The following MAST2 variants were observed in gnomAD, a reference collection of about 807,000 sequenced individuals.
The protein encoded by MAST2 is microtubule-associated serine/threonine-protein kinase 2.
In MAST2, 70 loss-of-function variants were observed where a neutral mutation model predicts 147.4. The ratio of observed to expected loss-of-function variants is 0.47; its 90% confidence interval spans 0.39 to 0.58. The LOEUF (loss-of-function observed/expected upper bound fraction) is 0.58, where lower values mean the gene tolerates loss of function less well. Ranked by LOEUF, MAST2 falls within the 20% of genes least tolerant of loss-of-function variation. The pLI, the probability that MAST2 is intolerant of heterozygous loss-of-function variation, is 0.00. For missense variants in MAST2, 2,080 were observed against 2,302.3 expected, an observed-to-expected ratio of 0.90 and a Z score of 1.98; for synonymous variants, 869 against 896.8, an observed-to-expected ratio of 0.97 and a Z score of 0.55.
At chr1:45,866,163 T>C (rs1646142467) in intron 3 of MAST2, among the ~76,000 whole-genome samples, 1 of 152,224 alleles carries the variant, frequency 6.6e-6, no homozygotes, top group African/African-American at 2.4e-5. Flanking sequence ...TTTCTAGTTA[T>C]TATATGTACT....
intron 15 of MAST2, chr1:46,024,206 C>T: frequency 1.9e-6 from 1 of 533,110 alleles, no homozygotes; most frequent in South Asian, 2.0e-5. Context: ...ATGTAGCAGG[C>T]CAGCAGCTAT....
Position 46,034,096 on chromosome 1 carries a change from G to GC in MAST2, c.3699dup (p.Lys1234GlnfsTer19), listed in dbSNP as rs774146606. 1.2e-6 allele frequency: 2 copies of GC among 1,613,618 alleles called. No individual in the cohort carries two copies. Among genetic ancestry groups the GC allele is most frequent in the South Asian group, 2.2e-5 (2 of 91,012 alleles). On this transcript the variant is annotated frameshift_variant, in exon 28 of 29. Coordinates refer to ENST00000361297, the MANE Select transcript of MAST2 (RefSeq NM_015112.3). LOFTEE classifies it high-confidence loss of function. ...AGCAGAAAAAGGAGCTCCCTGTTCC[G>GC]CAAGATCACCAAGCAAGCATCCCTG...
intron 5 of MAST2, among the ~76,000 whole-genome samples, chr1:45,980,851 C>A (rs1644378449): frequency 6.6e-6 from 1 of 151,946 alleles, no homozygotes; most frequent in African/African-American, 2.4e-5. Flanking sequence ...GTTGTTATAA[C>A]ATCTTAATCT....
chr1:46,002,796 T>G lies in MAST2; in HGVS notation c.669-9T>G. ...GCAGAAACTGCCTAATACTTTTTCT[T>G]GCATACAGGACTGATGGGCGGCGCT... is the stretch of plus-strand genomic sequence containing the variant. On this transcript the variant is annotated splice_polypyrimidine_tract_variant and intron_variant, in intron 6 of 28. Coordinates refer to ENST00000361297, the MANE Select transcript of MAST2 (RefSeq NM_015112.3). 6.2e-7 allele frequency: 1 copy of G among 1,614,022 alleles called. No individual in the cohort carries two copies. Among genetic ancestry groups the G allele is most frequent in the East Asian group, 2.2e-5 (1 of 44,882 alleles).
At chr1:45,942,427 C>T (rs1657434131) in intron 4 of MAST2, among the ~76,000 whole-genome samples, 1 of 152,180 alleles carries the variant, frequency 6.6e-6, no homozygotes, top group Non-Finnish European at 1.5e-5. Flanking sequence ...TTACACTTGG[C>T]AACATGTATT....
intron 4 of MAST2, among the ~76,000 whole-genome samples, chr1:45,889,810 C>T (rs999462329): frequency 2.0e-5 from 3 of 151,716 alleles, no homozygotes; most frequent in Non-Finnish European, 4.4e-5. Context: ...AGGGTTTCAC[C>T]ACATTGGTCA....
intron 5 of MAST2, among the ~76,000 whole-genome samples, chr1:45,987,268 C>CT (rs1644663916): frequency 6.6e-6 from 1 of 151,692 alleles, no homozygotes; most frequent in Admixed American, 6.6e-5. Context: ...CCTGATTAGT[C>CT]TATCATTTTA....
intron 5 of MAST2, among the ~76,000 whole-genome samples, chr1:45,996,311 A>G (rs1645055446): frequency 6.6e-6 from 1 of 152,016 alleles, no homozygotes; most frequent in Non-Finnish European, 1.5e-5. Flanking sequence ...CAAGAATCAA[A>G]CTGTGGGTAT....
chr1:45,940,577 A>G (rs1176173451), intron 4 of MAST2, among the ~76,000 whole-genome samples: 9 of 152,036 alleles, frequency 5.9e-5, no homozygotes, highest in African/African-American at 2.2e-4. Flanking sequence ...CAAACAGAGT[A>G]GAGTAGTCTT....
intron 5 of MAST2, among the ~76,000 whole-genome samples, chr1:45,988,475 T>C (rs912541199): frequency 6.6e-6 from 1 of 152,248 alleles, no homozygotes; most frequent in Non-Finnish European, 1.5e-5. Context: ...TGAATCCTTT[T>C]AAAATTTATT....
chr1:45,814,051 C>A (rs1312976765), intron 1 of MAST2, among the ~76,000 whole-genome samples: 1 of 152,170 alleles, frequency 6.6e-6, no homozygotes, highest in Non-Finnish European at 1.5e-5. Flanking sequence ...ATGGTAATGC[C>A]TGTGTAAAAC....
intron 4 of MAST2, among the ~76,000 whole-genome samples, chr1:45,891,541 T>C (rs984000558): frequency 2.0e-5 from 3 of 151,896 alleles, no homozygotes; most frequent in African/African-American, 7.3e-5. Context: ...ACTTACAGAG[T>C]TGTAAAGTAG....
intron 3 of MAST2, among the ~76,000 whole-genome samples, chr1:45,844,845 A>T (rs1645382568): frequency 6.6e-6 from 1 of 152,180 alleles, no homozygotes; most frequent in African/African-American, 2.4e-5. Context: ...GTAATTTATA[A>T]GGAATCAAGG....
chr1:45,968,875 T>TG (rs1278078946), intron 5 of MAST2, among the ~76,000 whole-genome samples: 1 of 123,096 alleles, frequency 8.1e-6, no homozygotes, highest in East Asian at 2.9e-4. Flanking sequence ...GTTCTGGTGT[T>TG]GGTTTTTTTT....
chr1:45,941,215 A>T (rs1657212447), intron 4 of MAST2, among the ~76,000 whole-genome samples: 1 of 152,162 alleles, frequency 6.6e-6, no homozygotes, highest in Non-Finnish European at 1.5e-5. Flanking sequence ...TGACATGACC[A>T]AACTTATTTA....
rs1439288565 is a variant in MAST2 at position 46,027,874 on chromosome 1, G to T, written c.2052+11G>T. ...TTCCTGGACAAGCAGGTAAGGAAGGGTAGTTGATACACTGGGGGTTAAATT... is the reference window on the plus strand; with the variant it reads ...TTCCTGGACAAGCAGGTAAGGAAGGTTAGTTGATACACTGGGGGTTAAATT... On this transcript the variant is annotated intron_variant, in intron 17 of 28. Coordinates refer to ENST00000361297, the MANE Select transcript of MAST2 (RefSeq NM_015112.3). The T allele has an allele frequency of 1.2e-6, 2 of 1,613,860 alleles. No individual in the cohort carries two copies. The highest frequency in any genetic ancestry group is 2.7e-5 in the African/African-American group (2 of 75,042).
At position 46,030,668 on chromosome 1, in the gene MAST2, A is replaced by T. The variant is rs970831881; in HGVS notation, c.2615A>T (p.Lys872Met). 6.2e-7 allele frequency: 1 copy of T among 1,611,754 alleles called. No homozygotes were observed. Among genetic ancestry groups the T allele is most frequent in the Non-Finnish European group, 8.5e-7 (1 of 1,179,350 alleles). The change falls in exon 22 of 29, where the codon AAG becomes ATG. Residue 872 changes from lysine (K) to methionine (M), a missense_variant. This residue lies in a region of MAST2 where 1,278 missense variants were observed against 1,304.2 expected (regional missense o/e 0.98). Transcript: ENST00000361297. Reference sequence around the variant, plus strand: ...GAGCGCCGGACACCACCCCCGACCAAGCGCAGCCTGAGTGAGGAGAAGGAG... The same window carrying T: ...GAGCGCCGGACACCACCCCCGACCATGCGCAGCCTGAGTGAGGAGAAGGAG... Reference protein sequence around the residue: ...LEERRTPPPTKRSLSEEKEDH... With the variant: ...LEERRTPPPTMRSLSEEKEDH...
chr1:46,026,346 A>G (rs1158138695), intron 16 of MAST2, among the ~76,000 whole-genome samples: 1 of 152,232 alleles, frequency 6.6e-6, no homozygotes, highest in African/African-American at 2.4e-5. Context: ...TTCAGGAACT[A>G]CAAATAGTGC....
At chr1:45,997,415 T>C (rs1557447815) in intron 5 of MAST2, among the ~76,000 whole-genome samples, 1 of 152,210 alleles carries the variant, frequency 6.6e-6, no homozygotes, top group Admixed American at 6.5e-5. Flanking sequence ...GCCTTCTGAA[T>C]GTTGGTTCAC....
Sources: gnomAD v4.1 joint callset for allele counts (sites outside exome capture counted in the v4.1 genomes callset) on GRCh38, gnomAD v4.1.1 for gene constraint, gnomAD v4.1.1 regional missense constraint, MANE v1.5 for transcripts, NCBI Gene and HGNC (gene_info 2026-07-23, HGNC 2026-07-21) for gene names.